Variants in ERP44 observed in about 807,000 individuals in gnomAD.
ERP44 encodes endoplasmic reticulum protein 44.
Under a neutral mutation model 53.4 loss-of-function variants are expected in ERP44, and 25 were observed. The ratio of observed to expected loss-of-function variants is 0.47; its 90% CI spans 0.34 to 0.65. The LOEUF (loss-of-function observed/expected upper bound fraction) is 0.65, where lower values mean the gene tolerates loss of function less well. Among genes scored for constraint, ERP44 ranks in the 30% least tolerant of loss-of-function variants. ERP44 has a pLI of 0.01. For missense variants in ERP44, 338 were observed against 493.2 expected (o/e 0.69, Z 2.98); for synonymous variants, 145 against 161.2 (o/e 0.90, Z 0.76).
rs1482318200 is a variant in ERP44 at position 100,067,996 on chromosome 9, C to G, written c.58-7824G>C. Among the ~76,000 whole-genome samples the G allele has an allele frequency of 9.2e-4, 138 of 150,462 alleles. 1 individual carries two copies. The highest frequency in any genetic ancestry group is 4.0e-3 in the Admixed American group (61 of 15,198). On this transcript the variant is annotated intron_variant, in intron 1 of 11. Coordinates refer to ENST00000262455, the MANE Select transcript of ERP44 (RefSeq NM_015051.3). ...CGGGAGGGAGGTGGGGGTCAGCCCCCGCCAGGCCAGCCGCCCCGTCCGGGA... is the reference window on the plus strand; with the variant it reads ...CGGGAGGGAGGTGGGGGTCAGCCCCGGCCAGGCCAGCCGCCCCGTCCGGGA...
chr9:100,014,308 C>T (rs999229456), intron 8 of ERP44, among the ~76,000 whole-genome samples: 13 of 152,052 alleles, frequency 8.5e-5, no homozygotes, highest in African/African-American at 2.2e-4. Context: ...TTTGGAGGGA[C>T]GGGGTCTCAC....
intron 1 of ERP44, among the ~76,000 whole-genome samples, chr9:100,071,094 T>TTTG (rs1554710305): frequency 4.4e-5 from 1 of 22,836 alleles, no homozygotes; most frequent in Non-Finnish European, 6.3e-5. Flanking sequence ...TTATATAAGG[T>TTTG]TTTTTTTTTT....
At chr9:100,078,008 T>C (rs1826377714) in intron 1 of ERP44, among the ~76,000 whole-genome samples, 5 of 152,184 alleles carry the variant, frequency 3.3e-5, no homozygotes, top group Admixed American at 3.3e-4. Flanking sequence ...AGGTGCTTGC[T>C]GAAAGCAAAG....
At chr9:100,003,634 G>T (rs1587959531) in intron 10 of ERP44, among the ~76,000 whole-genome samples, 1 of 151,666 alleles carries the variant, frequency 6.6e-6, no homozygotes, top group African/African-American at 2.4e-5. Context: ...GAGTGGACCT[G>T]TTGTCTGGTT....
intron 4 of ERP44, among the ~76,000 whole-genome samples, chr9:100,051,373 A>C (rs940217995): frequency 1.2e-4 from 19 of 152,354 alleles, no homozygotes; most frequent in South Asian, 1.2e-3. Context: ...TAAAATGAAA[A>C]GTTAGGTGTG....
chr9:100,082,364 A>G (rs1295201947), intron 1 of ERP44, among the ~76,000 whole-genome samples: 1 of 142,574 alleles, frequency 7.0e-6, no homozygotes, highest in African/African-American at 2.8e-5. Context: ...GTATCCCAGA[A>G]CTTAGAGTGA....
chr9:100,085,108 A>G (rs1319122341), intron 1 of ERP44, among the ~76,000 whole-genome samples: 2 of 152,246 alleles, frequency 1.3e-5, no homozygotes, highest in Non-Finnish European at 1.5e-5. Context: ...CTCGGTTATT[A>G]TATATTTTAA....
chr9:100,067,271 G>T (rs576889503), intron 1 of ERP44, among the ~76,000 whole-genome samples: 108 of 152,234 alleles, frequency 7.1e-4, no homozygotes, highest in African/African-American at 2.5e-3. Context: ...CTGCCATCTC[G>T]GCTCACTGCA....
At chr9:100,089,719 T>C (rs1826528784) in intron 1 of ERP44, among the ~76,000 whole-genome samples, 1 of 151,722 alleles carries the variant, frequency 6.6e-6, no homozygotes, top group South Asian at 2.1e-4. Context: ...AGATTAAGAA[T>C]AAATCTTCTA....
intron 1 of ERP44, among the ~76,000 whole-genome samples, chr9:100,068,192 C>G (rs560875497): frequency 1.3e-5 from 2 of 150,676 alleles, no homozygotes; most frequent in East Asian, 4.1e-4. Flanking sequence ...GCAGCCCCGT[C>G]CGGGAGGGAG....
In ERP44 at chr9:99,997,115, G is replaced by A. The variant is rs763190654; in HGVS notation, c.1016+9391C>T. On this transcript the variant is annotated intron_variant, in intron 10 of 11. Transcript: ENST00000262455. ...ATTGTGCTGCTATAAACATGCGTGC[G>A]AAGTATCTTTTTCATATAATGACTT... Among the ~76,000 whole-genome samples the A allele has an allele frequency of 1.6e-4, 25 of 152,178 alleles. No individual in the cohort carries two copies. The Middle Eastern group carries it at 0.01, about 62-fold the overall frequency.
intron 8 of ERP44, among the ~76,000 whole-genome samples, chr9:100,014,097 A>T (rs186891333): frequency 1.3e-3 from 202 of 152,288 alleles, no homozygotes; most frequent in Non-Finnish European, 2.3e-3. Context: ...CCTATTGAAA[A>T]TAAGTATGGT....
intron 10 of ERP44, among the ~76,000 whole-genome samples, chr9:99,997,003 ATATATATG>A (rs1475765012): frequency 6.7e-6 from 1 of 149,154 alleles, no homozygotes; most frequent in African/African-American, 2.5e-5. Flanking sequence ...GTATATATAT[ATATATATG>A]CACATATACA....
chr9:100,084,338 G>A (rs1200224959), intron 1 of ERP44, among the ~76,000 whole-genome samples: 1 of 152,154 alleles, frequency 6.6e-6, no homozygotes, highest in African/African-American at 2.4e-5. Context: ...GCCATCCCTT[G>A]TACAATGTGC....
At chr9:100,071,771 A>G (rs1443389056) in intron 1 of ERP44, among the ~76,000 whole-genome samples, 1 of 152,102 alleles carries the variant, frequency 6.6e-6, no homozygotes, top group Non-Finnish European at 1.5e-5. Context: ...AATACAAAAA[A>G]TTAGCTGGGC....
chr9:100,048,927 C>T (rs10988954), intron 4 of ERP44, among the ~76,000 whole-genome samples: 30,651 of 151,612 alleles, frequency 0.2, 5,159 homozygotes, highest in African/African-American at 0.47. Flanking sequence ...AGATGAAGAA[C>T]TGGAGACTGG....
At chr9:100,067,180 C>G (rs1587979467) in intron 1 of ERP44, among the ~76,000 whole-genome samples, 1 of 151,980 alleles carries the variant, frequency 6.6e-6, no homozygotes, top group African/African-American at 2.4e-5. Context: ...TCTCCCTCTC[C>G]CTCTCCCTCT....
Position 100,098,780 on chromosome 9 carries a change from T to C in ERP44, c.57+4A>G, listed in dbSNP as rs779559455. 1.2e-6 allele frequency: 2 copies of C among 1,613,136 alleles called. No homozygotes were observed. The highest frequency in any genetic ancestry group is 3.3e-5 in the Admixed American group (2 of 59,970). ...GTCGATGGGTCTGTCATTCCCTCAC[T>C]CACCAGGAGCAGAAGGGAGCATCTG... On this transcript the variant is annotated splice_donor_region_variant and intron_variant, in intron 1 of 11. Coordinates refer to ENST00000262455, the MANE Select transcript of ERP44 (RefSeq NM_015051.3).
intron 2 of ERP44, among the ~76,000 whole-genome samples, chr9:100,059,756 G>C (rs1826122510): frequency 6.6e-6 from 1 of 151,926 alleles, no homozygotes; most frequent in Admixed American, 6.6e-5. Context: ...AAAGAGATCA[G>C]AATAGGTGAT....
Sources: gnomAD v4.1 joint callset for allele counts (sites outside exome capture counted in the v4.1 genomes callset) on GRCh38, gnomAD v4.1.1 for gene constraint, MANE v1.5 for transcripts, NCBI Gene and HGNC (gene_info 2026-07-23, HGNC 2026-07-21) for gene names.